KIAA1958: variants seen among roughly 807,000 people sequenced by gnomAD.
KIAA1958 encodes uncharacterized protein KIAA1958.
KIAA1958 carries 14 observed loss-of-function variants against 47.2 expected under a neutral mutation model. That is an observed-to-expected ratio of 0.30 (90% CI 0.20 to 0.46). KIAA1958 has a LOEUF of 0.46. Ranked by LOEUF, KIAA1958 falls within the 20% of genes least tolerant of loss-of-function variation. The pLI, the probability that KIAA1958 is intolerant of heterozygous loss-of-function variation, is 1.00. For missense variants in KIAA1958, 803 were observed against 909.2 expected, an observed-to-expected ratio of 0.88 and a Z score of 1.50; for synonymous variants, 354 against 353.3, an observed-to-expected ratio of 1.00 and a Z score of -0.02.
intron 1 of KIAA1958, among the ~76,000 whole-genome samples, chr9:112,535,914 ATTGT>A (rs1417252404): frequency 6.6e-6 from 1 of 152,156 alleles, no homozygotes; most frequent in Non-Finnish European, 1.5e-5. Context: ...AATTGTCAAC[ATTGT>A]TTTAGTCAGT....
At chr9:112,567,819 A>G (rs1835451065) in intron 1 of KIAA1958, among the ~76,000 whole-genome samples, 1 of 151,970 alleles carries the variant, frequency 6.6e-6, no homozygotes, top group Non-Finnish European at 1.5e-5. Flanking sequence ...TTAGCCGGGC[A>G]TGATGGCAGG....
At chr9:112,608,054 G>A (rs968799218) in intron 2 of KIAA1958, among the ~76,000 whole-genome samples, 3 of 152,222 alleles carry the variant, frequency 2.0e-5, no homozygotes, top group Admixed American at 2.0e-4. Context: ...GAGAGATGGA[G>A]AGTGGCAAAA....
chr9:112,508,391 T>G (rs1328491387), intron 1 of KIAA1958, among the ~76,000 whole-genome samples: 1 of 152,238 alleles, frequency 6.6e-6, no homozygotes, highest in East Asian at 1.9e-4. Context: ...ATTAAAAAGC[T>G]TAAATTCTCA....
intron 1 of KIAA1958, among the ~76,000 whole-genome samples, chr9:112,508,787 A>C (rs925542629): frequency 1.3e-5 from 2 of 151,064 alleles, no homozygotes; most frequent in African/African-American, 4.8e-5. Context: ...TGTACCATAA[A>C]GCTGATTGTG....
intron 2 of KIAA1958, among the ~76,000 whole-genome samples, chr9:112,600,948 A>G (rs1057044229): frequency 6.6e-6 from 1 of 152,202 alleles, no homozygotes; most frequent in African/African-American, 2.4e-5. Context: ...CCATTTTACA[A>G]TTGAAGAAAC....
At chr9:112,571,325 C>T (rs1307122429) in intron 1 of KIAA1958, among the ~76,000 whole-genome samples, 2 of 152,140 alleles carry the variant, frequency 1.3e-5, no homozygotes, top group African/African-American at 2.4e-5. Context: ...GGTAATAGTT[C>T]CACCTAACAT....
chr9:112,627,698 G>C (rs545336051), intron 2 of KIAA1958, among the ~76,000 whole-genome samples: 46 of 152,352 alleles, frequency 3.0e-4, no homozygotes, highest in African/African-American at 1.0e-3. Context: ...AGGTTGTAGT[G>C]ATCTGAGATC....
rs537069328 is a variant in KIAA1958 at position 112,499,132 on chromosome 9, C to T, written c.-25+12014C>T. Among the ~76,000 whole-genome samples the T allele has an allele frequency of 7.2e-5, 11 of 152,278 alleles. No individual in the cohort carries two copies. In the South Asian group the frequency reaches 2.3e-3, roughly 32 times the overall value. ...TGTATATACACCACATTTTCTTTAT[C>T]CATGCATCGGTTGATGGACATTTGG... is the stretch of plus-strand genomic sequence containing the variant. On this transcript the variant is annotated intron_variant, in intron 1 of 3. Transcript: ENST00000337530.
At chr9:112,646,143 G>C (rs548331225) in intron 3 of KIAA1958, among the ~76,000 whole-genome samples, 67 of 151,830 alleles carry the variant, frequency 4.4e-4, no homozygotes, top group Admixed American at 5.9e-4. Context: ...GAGGACGGGA[G>C]CCTTCTAGGC....
intron 2 of KIAA1958, among the ~76,000 whole-genome samples, chr9:112,620,701 G>A (rs537387778): frequency 6.6e-6 from 1 of 152,140 alleles, no homozygotes; most frequent in African/African-American, 2.4e-5. Context: ...TGATAGTGAT[G>A]AGAGCTGCCA....
rs991756751 is a variant in KIAA1958, at chr9:112,664,107, TA to T, written c.*4040del. The T allele has an allele frequency of 6.6e-6, 1 of 152,260 alleles. No individual in the cohort carries two copies. Among genetic ancestry groups the T allele is most frequent in the Non-Finnish European group, 1.5e-5 (1 of 68,042 alleles). 9.4% of individuals were successfully genotyped at this position (152,260 alleles called of 1,614,324 possible). ...CTTCTGCAATTCCTCAAGTTCATATTAATTAGGAAGTGGCAGAGCTAGGACA... is the reference window on the plus strand; with the variant it reads ...CTTCTGCAATTCCTCAAGTTCATATTATTAGGAAGTGGCAGAGCTAGGACA... On this transcript the variant is annotated 3_prime_UTR_variant, in exon 4 of 4. Coordinates refer to ENST00000337530, the MANE Select transcript of KIAA1958 (RefSeq NM_133465.4).
At chr9:112,590,794 C>T (rs1835907752) in intron 2 of KIAA1958, among the ~76,000 whole-genome samples, 1 of 152,146 alleles carries the variant, frequency 6.6e-6, no homozygotes, top group African/African-American at 2.4e-5. Context: ...GAATAAAGTT[C>T]AGGCATTTTC....
intron 1 of KIAA1958, among the ~76,000 whole-genome samples, chr9:112,510,031 A>G (rs1244766792): frequency 6.6e-6 from 1 of 152,212 alleles, no homozygotes; most frequent in East Asian, 1.9e-4. Flanking sequence ...TCTGAGTGCT[A>G]AAGGAAGTGG....
intron 1 of KIAA1958, among the ~76,000 whole-genome samples, chr9:112,512,669 A>G (rs2132781780): frequency 6.6e-6 from 1 of 151,700 alleles, no homozygotes; most frequent in African/African-American, 2.4e-5. Flanking sequence ...GGGAGACATA[A>G]TAATGGCCGG....
At position 112,662,516 on chromosome 9, in the gene KIAA1958, C is replaced by A. The variant is rs1253650791; in HGVS notation, c.*2447C>A. 1 of 152,304 alleles carries A rather than the reference C, an allele frequency of 6.6e-6. No homozygotes were observed. Among genetic ancestry groups the A allele is most frequent in the African/African-American group, 2.4e-5 (1 of 41,434 alleles). The allele number at this position is 152,304 out of a possible 1,614,324, so 9.4% of individuals were successfully genotyped here. On this transcript the variant is annotated 3_prime_UTR_variant, in exon 4 of 4. Coordinates refer to ENST00000337530, the MANE Select transcript of KIAA1958 (RefSeq NM_133465.4). The stretch of plus-strand genomic sequence containing the variant: ...TAAGCCTGCTAAAATGGCAAAGCGG[C>A]CTGGCGCGTGGCTCACGCCTATAAT...
intron 1 of KIAA1958, among the ~76,000 whole-genome samples, chr9:112,566,212 A>G (rs1421484669): frequency 6.6e-6 from 1 of 152,004 alleles, no homozygotes; most frequent in Non-Finnish European, 1.5e-5. Flanking sequence ...CTATCTTTTG[A>G]TTCTAAAGAT....
At chr9:112,633,631 C>T (rs1159660060) in intron 2 of KIAA1958, among the ~76,000 whole-genome samples, 1 of 152,044 alleles carries the variant, frequency 6.6e-6, no homozygotes, top group South Asian at 2.1e-4. Context: ...CCTCATGTGC[C>T]CTCCCTTACC....
intron 1 of KIAA1958, among the ~76,000 whole-genome samples, chr9:112,491,013 G>A (rs1336059133): frequency 1.3e-5 from 2 of 152,192 alleles, no homozygotes; most frequent in African/African-American, 2.4e-5. Flanking sequence ...TGTCACCCAC[G>A]CTGGAATACA....
chr9:112,659,418 C>A lies in KIAA1958; in HGVS notation c.1500C>A (p.Ser500Arg), dbSNP rs374627483. 1 of 1,614,166 alleles carries A rather than the reference C, an allele frequency of 6.2e-7. No homozygotes were observed. Among genetic ancestry groups the A allele is most frequent in the East Asian group, 2.2e-5 (1 of 44,880 alleles). Residue 500 changes from serine (S) to arginine (R), a missense_variant, in exon 4 of 4, where the codon AGC becomes AGA. By Grantham distance (110) the Ser-to-Arg change is moderately radical (BLOSUM62 -1). Transcript: ENST00000337530. ...KNAGVGFSITSSTFSSSTKKL... is the reference protein window; with the variant it reads ...KNAGVGFSITRSTFSSSTKKL... ...CAGGTGTCGGCTTTTCCATCACCAG[C>A]AGCACCTTCAGCTCCTCCACCAAGA...
Sources: allele counts gnomAD v4.1 joint callset (sites outside exome capture counted in the v4.1 genomes callset), GRCh38; gene constraint gnomAD v4.1.1; transcripts MANE v1.5; gene names NCBI Gene and HGNC (gene_info 2026-07-23, HGNC 2026-07-21).